CPSF4: variants seen among roughly 807,000 people sequenced by gnomAD.
CPSF4 encodes the protein cleavage and polyadenylation specificity factor subunit 4.
A neutral mutation model predicts 37.7 loss-of-function variants in CPSF4; 11 were observed. The observed-to-expected ratio is 0.29, with a 90% CI of 0.18 to 0.48. The LOEUF is 0.48. CPSF4 is among the 20% of genes least tolerant of loss of function. The probability of loss-of-function intolerance (pLI) is 0.99; values close to 1 mark genes in which losing one functional copy is unlikely to be tolerated. For missense variants in CPSF4, 144 were observed against 359.5 expected (o/e 0.40, Z 4.85); for synonymous variants, 132 against 135.9 (o/e 0.97, Z 0.20).
chr7:99,452,063 C>T (rs758245078), intron 5 of CPSF4, among the ~76,000 whole-genome samples: 1 of 152,190 alleles, frequency 6.6e-6, no homozygotes, highest in African/African-American at 2.4e-5. Flanking sequence ...CAGGCACGCA[C>T]CAGCACAGCC....
chr7:99,443,176 G>A, intron 1 of CPSF4: 1 of 784,454 alleles, frequency 1.3e-6, no homozygotes, highest in Non-Finnish European at 2.4e-6. Flanking sequence ...AAGCTCACAG[G>A]TACACTGAAT....
At chr7:99,449,216 T>C (rs995050570) in intron 3 of CPSF4, 3 of 152,330 alleles carry the variant, frequency 2.0e-5, no homozygotes, top group Non-Finnish European at 4.4e-5. Context: ...ACATTAATTA[T>C]TTCAGCATCC....
chr7:99,452,329 C>T, intron 5 of CPSF4, 39 bp from the exon 6 acceptor site: 2 of 1,573,376 alleles, frequency 1.3e-6, no homozygotes, highest in Non-Finnish European at 1.7e-6. Context: ...GACCCCACTC[C>T]TTCTCTTGTT....
In CPSF4 at chr7:99,439,165, T is replaced by C. The variant is rs778772413; in HGVS notation, c.83T>C (p.Leu28Pro). ...GAGCAGCAGCTGGGGGCGCAGCCGC[T>C]GCCCTTCCCCGGCATGGACAGTGAG... is the stretch of plus-strand genomic sequence containing the variant. ...AVEQQLGAQP[L>P]PFPGMDKSGA... The change falls in exon 1 of 8, where the codon CTG (leucine) becomes CCG (proline). Residue 28 changes from leucine (L) to proline (P), a missense_variant. Physicochemically the swap from Leu to Pro is moderately conservative, Grantham distance 98 (BLOSUM62 -3). Transcript: ENST00000292476. The C allele has an allele frequency of 6.2e-7, 1 of 1,606,950 alleles. No individual in the cohort carries two copies. Among genetic ancestry groups the C allele is most frequent in the Non-Finnish European group, 8.5e-7 (1 of 1,178,316 alleles).
At chr7:99,445,609 C>T (rs1472716228) in intron 2 of CPSF4, among the ~76,000 whole-genome samples, 30 of 152,120 alleles carry the variant, frequency 2.0e-4, no homozygotes, top group Admixed American at 2.0e-3. Context: ...AGGGGTCAGG[C>T]GTGGTGGCTT....
At chr7:99,443,149 C>T (rs944763204) in intron 1 of CPSF4, 3 of 794,206 alleles carry the variant, frequency 3.8e-6, no homozygotes, top group Admixed American at 1.7e-5. Context: ...GCTGCCTGAG[C>T]AGCTTTCTTA....
In CPSF4 at chr7:99,448,307, G is replaced by T; in HGVS notation, c.307+34G>T. 6.2e-7 allele frequency: 1 copy of T among 1,611,642 alleles called. No homozygotes were observed. Among genetic ancestry groups the T allele is most frequent in the Non-Finnish European group, 8.5e-7 (1 of 1,178,690 alleles). Reference sequence around the variant, plus strand: ...CCTGGAGCCCTGGAGGCTCTGCTGAGAACCAGGGTGCAGAGGGGTCCGCTG... The same window carrying T: ...CCTGGAGCCCTGGAGGCTCTGCTGATAACCAGGGTGCAGAGGGGTCCGCTG... On this transcript the variant is annotated intron_variant, in intron 3 of 7. Coordinates refer to ENST00000292476, the MANE Select transcript of CPSF4 (RefSeq NM_006693.4). The surrounding 1 kb of genome is among the most constrained non-coding windows in gnomAD (Gnocchi z 4.4).
At chr7:99,440,115 G>A (rs1323828079) in intron 1 of CPSF4, among the ~76,000 whole-genome samples, 1 of 152,164 alleles carries the variant, frequency 6.6e-6, no homozygotes, top group East Asian at 1.9e-4. Flanking sequence ...GGGGCTTGTG[G>A]AAGTCACTGA....
At position 99,448,627 on chromosome 7, in the gene CPSF4, G is replaced by A. The variant is rs74299667; in HGVS notation, c.307+354G>A. On this transcript the variant is annotated intron_variant, in intron 3 of 7. Transcript: ENST00000292476. This position sits in a 1 kb window ranked among gnomAD's most constrained non-coding sequence, Gnocchi z 4.4. ...GCGCATCACTTTGGAGTGCTTCAGT[G>A]TTTGGAGCTCTTTCAATCACTCGGA... 9.0e-4 allele frequency: 163 copies of A among 181,116 alleles called. 2 individuals are homozygous for A. In the East Asian group the frequency reaches 0.022, roughly 24 times the overall value. The allele number at this position is 181,116 out of a possible 1,614,324, so 11.2% of individuals were successfully genotyped here. A position where few individuals can be genotyped will look rare whatever the true frequency, so the allele number is the denominator to read the frequency against.
At position 99,448,351 on chromosome 7, in the gene CPSF4, T is replaced by C; in HGVS notation, c.307+78T>C. ...TCCGCTGGCTGCTCAGTGCCCACAC[T>C]GTCTCTGCCTGCTTTTCCCATCTTT... On this transcript the variant is annotated intron_variant, in intron 3 of 7. Coordinates refer to ENST00000292476, the MANE Select transcript of CPSF4 (RefSeq NM_006693.4). This position sits in a 1 kb window ranked among gnomAD's most constrained non-coding sequence, Gnocchi z 4.4. The C allele has an allele frequency of 2.1e-6, 3 of 1,437,196 alleles. No individual in the cohort carries two copies. In the South Asian group the frequency reaches 3.9e-5, roughly 19 times the overall value. 89.0% of individuals were successfully genotyped at this position (1,437,196 alleles called of 1,614,324 possible). A position where few individuals can be genotyped will look rare whatever the true frequency, so the allele number is the denominator to read the frequency against.
At chr7:99,444,913 G>A (rs1461869475) in intron 2 of CPSF4, 74 bp downstream of exon 2, 2 of 1,307,246 alleles carry the variant, frequency 1.5e-6, no homozygotes, top group African/African-American at 1.5e-5. Flanking sequence ...AGACTTGGAG[G>A]CCGCCAGGTC....
chr7:99,445,456 C>T lies in CPSF4; in HGVS notation c.154+617C>T, dbSNP rs553792347. Among the ~76,000 whole-genome samples, 8 of 152,118 alleles carry T rather than the reference C, an allele frequency of 5.3e-5. No individual in the cohort carries two copies. In the South Asian group the frequency reaches 1.5e-3, roughly 28 times the overall value. ...GCTTTATTTGCTCGTCTCCAAACCACGAGCAAGACATTCATTCTTACTTTA... is the reference window on the plus strand; with the variant it reads ...GCTTTATTTGCTCGTCTCCAAACCATGAGCAAGACATTCATTCTTACTTTA... On this transcript the variant is annotated intron_variant, in intron 2 of 7. Transcript: ENST00000292476.
rs1009934077 is a variant in CPSF4 at position 99,456,917 on chromosome 7, T to A, written c.*417T>A. 2.9e-6 allele frequency: 1 copy of A among 348,278 alleles called. No individual in the cohort carries two copies. Among genetic ancestry groups the A allele is most frequent in the Non-Finnish European group, 5.7e-6 (1 of 176,368 alleles). 21.6% of individuals were successfully genotyped at this position (348,278 alleles called of 1,614,324 possible). On this transcript the variant is annotated 3_prime_UTR_variant, in exon 8 of 8. Transcript: ENST00000292476. ...AAAGCTGTGGCCAGCTCACGCCTGCTTCCTCCCTCCCTGCCCTGCTGAATC... is the reference window on the plus strand; with the variant it reads ...AAAGCTGTGGCCAGCTCACGCCTGCATCCTCCCTCCCTGCCCTGCTGAATC...
At position 99,456,684 on chromosome 7, in the gene CPSF4, G is replaced by C. The variant is rs1482725592; in HGVS notation, c.*184G>C. 1 of 683,074 alleles carries C rather than the reference G, an allele frequency of 1.5e-6. No homozygotes were observed. Among genetic ancestry groups the C allele is most frequent in the Admixed American group, 2.0e-5 (1 of 49,112 alleles). 42.3% of individuals were successfully genotyped at this position (683,074 alleles called of 1,614,324 possible). A position where few individuals can be genotyped will look rare whatever the true frequency, so the allele number is the denominator to read the frequency against. On this transcript the variant is annotated 3_prime_UTR_variant, in exon 8 of 8. Transcript: ENST00000292476. ...TTTTGCCTTAGTATTTTTTGAAAAAGGGACATGTGTCCTGTGGGTCCCTGC... is the reference window on the plus strand; with the variant it reads ...TTTTGCCTTAGTATTTTTTGAAAAACGGACATGTGTCCTGTGGGTCCCTGC...
intron 1 of CPSF4, among the ~76,000 whole-genome samples, chr7:99,440,444 G>C (rs1416842315): frequency 6.6e-6 from 1 of 151,708 alleles, no homozygotes; most frequent in African/African-American, 2.4e-5. Flanking sequence ...GACTTCCCAG[G>C]CTCCAGCAAT....
intron 5 of CPSF4, among the ~76,000 whole-genome samples, chr7:99,451,878 C>G (rs1304610422): frequency 6.6e-6 from 1 of 152,352 alleles, no homozygotes; most frequent in East Asian, 1.9e-4. Context: ...GTCCCTGCTT[C>G]TCACTGCAGG....
rs964787876 is a variant in CPSF4 at position 99,449,687 on chromosome 7, C to G, written c.308-589C>G. On this transcript the variant is annotated intron_variant, in intron 3 of 7. Coordinates refer to ENST00000292476, the MANE Select transcript of CPSF4 (RefSeq NM_006693.4). ...GGTAGCTGATAGGCCATGAGACGAA[C>G]AGAGAAGAAATTGCTTGTGACAAGT... Among the ~76,000 whole-genome samples, 4 of 152,246 alleles carry G rather than the reference C, an allele frequency of 2.6e-5. No individual in the cohort carries two copies. In the South Asian group the frequency reaches 8.3e-4, roughly 32 times the overall value.
rs2150982886 is a variant in CPSF4 at position 99,442,801 on chromosome 7, G to A, written c.104-1988G>A. Reference sequence around the variant, plus strand: ...TACCTGCTCCCTCATTGCAAGGCAAGACTGCATTTAGTATATATGTGACCA... The same window carrying A: ...TACCTGCTCCCTCATTGCAAGGCAAAACTGCATTTAGTATATATGTGACCA... On this transcript the variant is annotated intron_variant, in intron 1 of 7. Transcript: ENST00000292476. 6 of 775,362 alleles carry A rather than the reference G, an allele frequency of 7.7e-6. No homozygotes were observed. The East Asian group carries it at 1.5e-4, about 19-fold the overall frequency. 48.0% of individuals were successfully genotyped at this position (775,362 alleles called of 1,614,324 possible).
chr7:99,439,425 C>T (rs1166112766), intron 1 of CPSF4: 6 of 438,002 alleles, frequency 1.4e-5, no homozygotes, highest in Non-Finnish European at 2.4e-5. Flanking sequence ...GGTCCCGAGA[C>T]TCTTCCCACT....
Sources: allele counts gnomAD v4.1 joint callset (sites outside exome capture counted in the v4.1 genomes callset), GRCh38; gene constraint gnomAD v4.1.1; non-coding constraint Gnocchi (gnomAD v3.1); transcripts MANE v1.5; gene names NCBI Gene and HGNC (gene_info 2026-07-23, HGNC 2026-07-21).